Variants in NCAPG2 observed in about 807,000 individuals in gnomAD.
The protein encoded by NCAPG2 is condensin-2 complex subunit G2.
Under a neutral mutation model 141.1 loss-of-function variants are expected in NCAPG2, and 53 were observed. The ratio of observed to expected loss-of-function variants is 0.38; its 90% CI spans 0.30 to 0.47. NCAPG2 has a LOEUF of 0.47. NCAPG2 is among the 20% of genes least tolerant of loss of function. The pLI is 0.99. For synonymous variants in NCAPG2, 499 were observed against 490.7 expected (o/e 1.02, Z -0.22); for missense variants, 1,087 against 1,389.0 (o/e 0.78, Z 3.46).
rs185040355 is a variant in NCAPG2, at chr7:158,637,010, T to C, written c.3381-5293A>G. ...TCACCCAGGCTGGAATGCAGTGGTG[T>C]GATCTTGGCTCACTGCAAGTTCCGC... On this transcript the variant is annotated intron_variant, in intron 27 of 27. Coordinates refer to ENST00000356309, the MANE Select transcript of NCAPG2 (RefSeq NM_017760.7). Among the ~76,000 whole-genome samples the C allele has an allele frequency of 1.2e-3, 178 of 151,300 alleles. 1 individual carries two copies. Among genetic ancestry groups the C allele is most frequent in the Middle Eastern group, 3.4e-3 (1 of 294 alleles).
intron 4 of NCAPG2, 71 bp from the exon 5 acceptor site, chr7:158,690,793 G>C: frequency 7.3e-7 from 1 of 1,373,798 alleles, no homozygotes; most frequent in Non-Finnish European, 1.0e-6. Context: ...ACAGTTTAGA[G>C]TATCATGACT....
At position 158,672,314 on chromosome 7, in the gene NCAPG2, A is replaced by G. The variant is rs1488811058; in HGVS notation, c.1327-648T>C. On this transcript the variant is annotated intron_variant, in intron 12 of 27. Transcript: ENST00000356309. ...TGTGTATATATATATATATATATAT[A>G]TATATATATATATATTTTTTTTTTT... Among the ~76,000 whole-genome samples the G allele has an allele frequency of 4.7e-4, 16 of 34,372 alleles. 1 individual carries two copies. The highest frequency in any genetic ancestry group is 1.2e-3 in the African/African-American group (12 of 9,766). The allele number at this position is 34,372 out of a possible 152,430, so 22.5% of individuals were successfully genotyped here. A position where few individuals can be genotyped will look rare whatever the true frequency, so the allele number is the denominator to read the frequency against.
In NCAPG2 at chr7:158,680,161, G is replaced by A. The variant is rs533993649; in HGVS notation, c.1021-76C>T. On this transcript the variant is annotated intron_variant, in intron 10 of 27. Transcript: ENST00000356309. ...AAGGCTTAAGTACAGTGTTCCCAAA[G>A]TAACACTTTAATTATCTTGATACAG... is the stretch of plus-strand genomic sequence containing the variant. The A allele has an allele frequency of 5.6e-6, 8 of 1,426,546 alleles. No individual in the cohort carries two copies. In the South Asian group the frequency reaches 6.6e-5, roughly 12 times the overall value. The allele number at this position is 1,426,546 out of a possible 1,614,324, so 88.4% of individuals were successfully genotyped here.
At chr7:158,677,436 C>T (rs1260603695) in intron 11 of NCAPG2, among the ~76,000 whole-genome samples, 4 of 146,878 alleles carry the variant, frequency 2.7e-5, no homozygotes, top group African/African-American at 1.0e-4. Flanking sequence ...CTTACCAACC[C>T]AATCCTTTAT....
intron 13 of NCAPG2, chr7:158,667,078 C>A: frequency 1.0e-6 from 1 of 953,792 alleles, no homozygotes; most frequent in Non-Finnish European, 1.2e-6. Flanking sequence ...CTCTTATACT[C>A]ATGTCATTCT....
Position 158,662,187 on chromosome 7 carries a change from G to A in NCAPG2, c.1989+7C>T. 6.3e-7 allele frequency: 1 copy of A among 1,599,822 alleles called. No individual in the cohort carries two copies. Among genetic ancestry groups the A allele is most frequent in the Non-Finnish European group, 8.5e-7 (1 of 1,175,984 alleles). On this transcript the variant is annotated splice_region_variant and intron_variant, in intron 16 of 27. Coordinates refer to ENST00000356309, the MANE Select transcript of NCAPG2 (RefSeq NM_017760.7). ...TACCTTGCTTACAAGTATAGTTCAA[G>A]ACTTACCTTAAATACTTTCAGATAC...
chr7:158,639,670 G>T, intron 27 of NCAPG2: 1 of 177,964 alleles, frequency 5.6e-6, no homozygotes, highest in Non-Finnish European at 1.1e-5. Context: ...CTGGGGGTAT[G>T]TTGTTCCACA....
At chr7:158,666,537 T>G (rs1311557265) in intron 13 of NCAPG2, among the ~76,000 whole-genome samples, 1 of 151,386 alleles carries the variant, frequency 6.6e-6, no homozygotes, top group African/African-American at 2.4e-5. Flanking sequence ...AAGTACAAGA[T>G]CATAGCACTT....
intron 10 of NCAPG2, 114 bp downstream of exon 10, chr7:158,680,607 T>G: frequency 1.7e-6 from 1 of 582,840 alleles, no homozygotes; most frequent in Non-Finnish European, 2.7e-6. Context: ...TCAGAAAGCA[T>G]TCAGTCTTCA....
intron 13 of NCAPG2, among the ~76,000 whole-genome samples, chr7:158,665,573 C>T (rs1180741595): frequency 6.6e-6 from 1 of 152,170 alleles, no homozygotes; most frequent in Non-Finnish European, 1.5e-5. Flanking sequence ...CTAGTATTTT[C>T]AATTGGATCT....
At chr7:158,701,130 A>G (rs1415417894) in intron 2 of NCAPG2, among the ~76,000 whole-genome samples, 1 of 152,176 alleles carries the variant, frequency 6.6e-6, no homozygotes, top group African/African-American at 2.4e-5. Flanking sequence ...ATGGTACTAC[A>G]CAGTCAGACG....
chr7:158,659,655 T>G (rs1832320304), intron 16 of NCAPG2, among the ~76,000 whole-genome samples: 1 of 152,158 alleles, frequency 6.6e-6, no homozygotes, highest in Admixed American at 6.5e-5. Context: ...TATTCTTGGC[T>G]GGGAGAATGA....
At chr7:158,637,466 A>T (rs1830306643) in intron 27 of NCAPG2, among the ~76,000 whole-genome samples, 1 of 2,958 alleles carries the variant, frequency 3.4e-4, no homozygotes, top group African/African-American at 9.8e-4. Context: ...TCTCCAGCAG[A>T]CTCTGACAGC....
intron 1 of NCAPG2, among the ~76,000 whole-genome samples, chr7:158,704,218 T>C (rs376116673): frequency 4.7e-4 from 33 of 70,598 alleles, no homozygotes; most frequent in Admixed American, 1.3e-3. Context: ...TCTCTGAGGG[T>C]AGTGCCCATG....
intron 13 of NCAPG2, among the ~76,000 whole-genome samples, chr7:158,666,810 G>A (rs191870610): frequency 1.3e-4 from 20 of 152,236 alleles, no homozygotes; most frequent in Admixed American, 1.3e-3. Flanking sequence ...ATTGAAGGGA[G>A]AGGGTTGACA....
In NCAPG2 at chr7:158,644,527, C is replaced by T. The variant is rs76879922; in HGVS notation, c.3281-139G>A. The T allele has an allele frequency of 6.4e-3, 4,250 of 667,042 alleles. 202 individuals are homozygous for T. In the East Asian group the frequency reaches 0.093, roughly 15 times the overall value. 41.3% of individuals were successfully genotyped at this position (667,042 alleles called of 1,614,324 possible). ...TTGAGGTAACCTACATACTGACCCG[C>T]GGAATAGTAATTCTCCCTTCTTTAG... On this transcript the variant is annotated intron_variant, in intron 26 of 27. Transcript: ENST00000356309.
At chr7:158,691,491 TAAAAC>T (rs1266243696) in intron 4 of NCAPG2, among the ~76,000 whole-genome samples, 1 of 152,184 alleles carries the variant, frequency 6.6e-6, no homozygotes, top group African/African-American at 2.4e-5. Context: ...CAATGTACTA[TAAAAC>T]ATACATAAAT....
Position 158,675,638 on chromosome 7 carries a change from A to G in NCAPG2, c.1165T>C (p.Tyr389His), listed in dbSNP as rs61752309. The G allele has an allele frequency of 6.0e-3, 9,602 of 1,611,062 alleles. 39 individuals are homozygous for G. The highest frequency in any genetic ancestry group is 7.5e-3 in the Non-Finnish European group (8,821 of 1,179,360). The change falls in exon 12 of 28, where the codon TAC (tyrosine) becomes CAC (histidine). Residue 389 changes from tyrosine (Y) to histidine (H), a missense_variant. Tyr to His is a moderately conservative substitution (Grantham distance 83). Coordinates refer to ENST00000356309, the MANE Select transcript of NCAPG2 (RefSeq NM_017760.7). Reference sequence around the variant, plus strand: ...ATCCCTGTGGAACGGACCATCGGGTAAGGATCTTCTAAAAGGCTCTATAAG... The same window carrying G: ...ATCCCTGTGGAACGGACCATCGGGTGAGGATCTTCTAAAAGGCTCTATAAG... ...EELYSLLEDPYPMVRSTGILG... is the reference protein window; with the variant it reads ...EELYSLLEDPHPMVRSTGILG...
At chr7:158,668,104 T>G (rs1436944326) in intron 13 of NCAPG2, 1 of 112,352 alleles carries the variant, frequency 8.9e-6, no homozygotes, top group Non-Finnish European at 1.3e-5. Flanking sequence ...CCGCCCTCCT[T>G]ACCCACTACT....
Sources: gnomAD v4.1 joint callset for allele counts (sites outside exome capture counted in the v4.1 genomes callset) on GRCh38, gnomAD v4.1.1 for gene constraint, MANE v1.5 for transcripts, NCBI Gene and HGNC (gene_info 2026-07-23, HGNC 2026-07-21) for gene names.